MPRIP: variants seen among roughly 807,000 people sequenced by gnomAD.
MPRIP encodes the protein myosin phosphatase Rho-interacting protein.
A neutral mutation model predicts 234.9 loss-of-function variants in MPRIP; 59 were observed. That is an observed-to-expected ratio of 0.25 (90% confidence interval 0.20 to 0.31). The LOEUF is 0.31. MPRIP is among the 10% of genes least tolerant of loss of function. MPRIP has a pLI of 1.00. For synonymous variants in MPRIP, 1,144 were observed against 1,263.9 expected, an observed-to-expected ratio of 0.91 and a Z score of 2.01; for missense variants, 2,436 against 3,071.0, an observed-to-expected ratio of 0.79 and a Z score of 4.89.
At chr17:17,056,308 G>A (rs1337454860) in intron 1 of MPRIP, among the ~76,000 whole-genome samples, 4 of 152,312 alleles carry the variant, frequency 2.6e-5, no homozygotes, top group East Asian at 1.9e-4. Context: ...TTGTCCCCAC[G>A]CATTCTCCAG....
Position 17,165,503 on chromosome 17 carries a change from G to A in MPRIP, c.3912G>A (p.Gln1304=), listed in dbSNP as rs903789976. 1 of 1,304,378 alleles carries A rather than the reference G, an allele frequency of 7.7e-7. No individual in the cohort carries two copies. Among genetic ancestry groups the A allele is most frequent in the Admixed American group, 2.3e-5 (1 of 43,574 alleles). 80.8% of individuals were successfully genotyped at this position (1,304,378 alleles called of 1,614,324 possible). A position where few individuals can be genotyped will look rare whatever the true frequency, so the allele number is the denominator to read the frequency against. Residue 1304 remains glutamine (Q), a synonymous_variant, in exon 16 of 24, where the codon CAG becomes CAA. Coordinates refer to ENST00000651222, the MANE Select transcript of MPRIP (RefSeq NM_001364716.4). ...AAGTGCTTGACAGGGAGGGCCATCA[G>A]CAGGGCACAGCCAAACTCGACCAAG... The part of the protein sequence containing the change: ...SVEVLDREGH[Q]QGTAKLDQGA...
At chr17:17,057,113 G>A (rs1206202924) in intron 1 of MPRIP, among the ~76,000 whole-genome samples, 1 of 152,250 alleles carries the variant, frequency 6.6e-6, no homozygotes, top group Non-Finnish European at 1.5e-5. Context: ...TTCTGTCAGT[G>A]AGCTGTTTGG....
intron 3 of MPRIP, among the ~76,000 whole-genome samples, chr17:17,109,660 C>T (rs1429804675): frequency 2.0e-5 from 3 of 152,146 alleles, no homozygotes; most frequent in African/African-American, 4.8e-5. Context: ...CTGTGAGACC[C>T]GCGAAACAAT....
At chr17:17,181,781 A>T (rs2046378823) in intron 23 of MPRIP, 2 of 152,276 alleles carry the variant, frequency 1.3e-5, no homozygotes, top group Admixed American at 1.3e-4. Flanking sequence ...CCTTCCAGGG[A>T]GGCTGTGCAA....
At position 17,166,277 on chromosome 17, in the gene MPRIP, G is replaced by T. The variant is rs1325004801; in HGVS notation, c.4686G>T (p.Val1562=). ...SQSELTEQEQ[V]RLLSDQIALE... ...CTGAGTTGACAGAGCAGGAGCAGGT[G>T]AGGCTTCTTTCTGACCAGATTGCTC... Residue 1562 remains valine (V), a synonymous_variant, in exon 16 of 24, where the codon GTG becomes GTT. Transcript: ENST00000651222. This position sits in a 1 kb window ranked among gnomAD's most constrained non-coding sequence, Gnocchi z 4.4. 1.7e-5 allele frequency: 22 copies of T among 1,304,342 alleles called. No homozygotes were observed. The highest frequency in any genetic ancestry group is 2.2e-5 in the Non-Finnish European group (22 of 988,980). 80.8% of individuals were successfully genotyped at this position (1,304,342 alleles called of 1,614,324 possible).
intron 13 of MPRIP, among the ~76,000 whole-genome samples, chr17:17,156,883 G>A (rs1031847067): frequency 1.3e-5 from 2 of 152,236 alleles, no homozygotes; most frequent in Non-Finnish European, 2.9e-5. Context: ...CTCGATTGCT[G>A]CCTGGACAGG....
intron 1 of MPRIP, 33 bp from the exon 2 acceptor site, chr17:17,075,677 T>A: frequency 6.3e-7 from 1 of 1,593,648 alleles, no homozygotes; most frequent in East Asian, 2.2e-5. Context: ...GGTTGAAGGC[T>A]GCTGGTGACC....
intron 4 of MPRIP, among the ~76,000 whole-genome samples, chr17:17,127,963 G>A (rs932775991): frequency 1.3e-5 from 2 of 152,228 alleles, no homozygotes; most frequent in Non-Finnish European, 1.5e-5. Flanking sequence ...CCCCTGGAGA[G>A]AGGCAGGTTT....
At chr17:17,137,115 G>A (rs1446901514) in intron 6 of MPRIP, among the ~76,000 whole-genome samples, 2 of 152,186 alleles carry the variant, frequency 1.3e-5, no homozygotes, top group Non-Finnish European at 2.9e-5. Flanking sequence ...ACTCTGGGTG[G>A]AAGGTGTCTG....
chr17:17,092,754 G>A (rs1043776936), intron 3 of MPRIP, among the ~76,000 whole-genome samples: 1 of 151,992 alleles, frequency 6.6e-6, no homozygotes, highest in African/African-American at 2.4e-5. Flanking sequence ...CTCTCTCTCT[G>A]TCTCCTACAG....
At chr17:17,090,347 A>G (rs918306621) in intron 3 of MPRIP, among the ~76,000 whole-genome samples, 2 of 152,162 alleles carry the variant, frequency 1.3e-5, no homozygotes, top group Non-Finnish European at 2.9e-5. Context: ...CATGTAGCTA[A>G]TGCTTGCTTT....
intron 1 of MPRIP, among the ~76,000 whole-genome samples, chr17:17,064,201 G>GTT (rs752475475): frequency 0.023 from 3,318 of 144,028 alleles, 139 homozygotes; most frequent in African/African-American, 0.075. Context: ...GGTTTTTTTT[G>GTT]TTTTGTTTTT....
At chr17:17,077,844 A>G (rs892866887) in intron 2 of MPRIP, 167 bp from the exon 3 acceptor site, 2 of 668,868 alleles carry the variant, frequency 3.0e-6, no homozygotes, top group Non-Finnish European at 5.4e-6. Context: ...TGATGAATCA[A>G]CATTCTTGTG....
intron 3 of MPRIP, among the ~76,000 whole-genome samples, chr17:17,086,640 G>A (rs2089597587): frequency 6.6e-6 from 1 of 152,208 alleles, no homozygotes; most frequent in Non-Finnish European, 1.5e-5. Flanking sequence ...AGTGAGCCAG[G>A]TCTGGGTGCA....
intron 1 of MPRIP, among the ~76,000 whole-genome samples, chr17:17,054,986 G>T (rs2088649247): frequency 6.6e-6 from 1 of 151,798 alleles, no homozygotes; most frequent in African/African-American, 2.4e-5. Context: ...GGAGGTGGAG[G>T]TTGCAGTGTG....
intron 1 of MPRIP, among the ~76,000 whole-genome samples, chr17:17,056,749 G>A (rs1462536239): frequency 6.6e-6 from 1 of 151,786 alleles, no homozygotes; most frequent in African/African-American, 2.4e-5. Flanking sequence ...TGCTCCAAAA[G>A]AACCCCCCAC....
In MPRIP at chr17:17,158,952, G is replaced by A. The variant is rs764466630; in HGVS notation, c.2350G>A (p.Gly784Arg). The change falls in exon 14 of 24, where the codon GGG (glycine) becomes AGG (arginine). Residue 784 changes from glycine (G) to arginine (R), a missense_variant. Around this residue, in one of 4 missense-constraint regions of MPRIP, gnomAD observed 1,998 missense variants for 2,520.3 expected, o/e 0.79. Transcript: ENST00000651222. ...IAPVHLSSED[G>R]GDRLSTHELT... ...CCCCGTCCACCTGTCTTCTGAAGATGGGGGTGACCGGCTCTCCACACACGA... is the reference window on the plus strand; with the variant it reads ...CCCCGTCCACCTGTCTTCTGAAGATAGGGGTGACCGGCTCTCCACACACGA... 3.7e-5 allele frequency: 59 copies of A among 1,612,544 alleles called. 1 individual carries two copies. The Middle Eastern group carries it at 6.6e-4, about 18-fold the overall frequency.
chr17:17,060,263 G>C (rs2088830471), intron 1 of MPRIP, among the ~76,000 whole-genome samples: 1 of 152,212 alleles, frequency 6.6e-6, no homozygotes, highest in South Asian at 2.1e-4. Flanking sequence ...CCCACTTGCA[G>C]CCTCCCAGGG....
Position 17,177,369 on chromosome 17 carries a change from A to C in MPRIP, c.7077A>C (p.Ala2359=), listed in dbSNP as rs747121340. 1.9e-6 allele frequency: 3 copies of C among 1,613,758 alleles called. No individual in the cohort carries two copies. The highest frequency in any genetic ancestry group is 2.7e-5 in the African/African-American group (2 of 74,946). ...AGCAGCTCAAGGCTGCAACGGAAGCACTGGGGGAGAAGTCCCCTGACAGTG... is the reference window on the plus strand; with the variant it reads ...AGCAGCTCAAGGCTGCAACGGAAGCCCTGGGGGAGAAGTCCCCTGACAGTG... ...LKEQLKAATE[A]LGEKSPDSAT... The change falls in exon 22 of 24, where the codon GCA becomes GCC. Residue 2359 remains alanine (A), a synonymous_variant. Transcript: ENST00000651222.
Sources: gnomAD v4.1 joint callset for allele counts (sites outside exome capture counted in the v4.1 genomes callset) on GRCh38, gnomAD v4.1.1 for gene constraint, gnomAD v4.1.1 regional missense constraint, Gnocchi (gnomAD v3.1) non-coding constraint, MANE v1.5 for transcripts, NCBI Gene and HGNC (gene_info 2026-07-23, HGNC 2026-07-21) for gene names.